C13orf42: variants seen among roughly 807,000 people sequenced by gnomAD.
The protein encoded by C13orf42 is chromosome 13 open reading frame 42.
intron 1 of C13orf42, among the ~76,000 whole-genome samples, chr13:51,157,412 C>T (rs965587258): frequency 7.9e-5 from 12 of 151,878 alleles, no homozygotes; most frequent in East Asian, 1.9e-4. Flanking sequence ...CCAGCCTGGG[C>T]GACAGAGCGA....
At chr13:51,141,253 A>C (rs959982154) in intron 1 of C13orf42, among the ~76,000 whole-genome samples, 56 of 140,926 alleles carry the variant, frequency 4.0e-4, no homozygotes, top group African/African-American at 1.1e-3. Context: ...TTTTTTTCTC[A>C]GTTGAATGAA....
At chr13:51,152,006 C>T (rs1182133611) in intron 1 of C13orf42, among the ~76,000 whole-genome samples, 1 of 152,178 alleles carries the variant, frequency 6.6e-6, no homozygotes, top group African/African-American at 2.4e-5. Flanking sequence ...CCAGCCCTAC[C>T]AGGAGAGAAT....
rs1164837064 is a variant in C13orf42, at chr13:51,083,018, C to A, written c.*1133G>T. 1 of 152,218 alleles carries A rather than the reference C, an allele frequency of 6.6e-6. No homozygotes were observed. Among genetic ancestry groups the A allele is most frequent in the African/African-American group, 2.4e-5 (1 of 41,448 alleles). 9.4% of individuals were successfully genotyped at this position (152,218 alleles called of 1,614,324 possible). On this transcript the variant is annotated 3_prime_UTR_variant, in exon 4 of 4. Coordinates refer to ENST00000563710, the MANE Select transcript of C13orf42 (RefSeq NM_001351589.3). ...TTCTTAGCCTGACCTTAGCCTAGAA[C>A]ATCCTTGGCTTAATTCAAATGATTG...
At chr13:51,158,050 C>A (rs902681928) in intron 1 of C13orf42, among the ~76,000 whole-genome samples, 10 of 152,206 alleles carry the variant, frequency 6.6e-5, no homozygotes, top group African/African-American at 2.2e-4. Flanking sequence ...TATTCCCAGG[C>A]CTTACACAGT....
At position 51,166,849 on chromosome 13, in the gene C13orf42, C is replaced by T. The variant is rs1378018037; in HGVS notation, n.136+5404G>A. On this transcript the variant is annotated intron_variant and non_coding_transcript_variant, in intron 1 of 4. Transcript: ENST00000433280. ...ATCCAAGCACCTTGGGAGGCCGAGG[C>T]GGGCGCATTGCCTGAGGTCAGGAGT... 2.6e-5 allele frequency among the ~76,000 whole-genome samples: 4 copies of T among 152,042 alleles called. No homozygotes were observed. The East Asian group carries it at 5.8e-4, about 22-fold the overall frequency.
chr13:51,156,461 C>T (rs1953824951), intron 1 of C13orf42, among the ~76,000 whole-genome samples: 1 of 152,166 alleles, frequency 6.6e-6, no homozygotes. Flanking sequence ...GGTCAAGGAA[C>T]TTACCCACAT....
At chr13:51,117,993 G>C (rs1315033284) in intron 1 of C13orf42, among the ~76,000 whole-genome samples, 2 of 152,188 alleles carry the variant, frequency 1.3e-5, no homozygotes, top group Non-Finnish European at 2.9e-5. Flanking sequence ...AAAAGGCTTT[G>C]CACATTCCTT....
chr13:51,149,699 T>C (rs1172019983), intron 1 of C13orf42, among the ~76,000 whole-genome samples: 1 of 152,222 alleles, frequency 6.6e-6, no homozygotes, highest in Non-Finnish European at 1.5e-5. Context: ...AATTATGTTT[T>C]TCCAGTGCAA....
chr13:51,168,911 C>T (rs1250065277), intron 1 of C13orf42, among the ~76,000 whole-genome samples: 2 of 152,160 alleles, frequency 1.3e-5, no homozygotes, highest in African/African-American at 4.8e-5. Context: ...AAGCCTCTTT[C>T]CTCTTTGCCT....
intron 1 of C13orf42, among the ~76,000 whole-genome samples, chr13:51,095,164 T>C (rs1373346655): frequency 6.6e-6 from 1 of 152,234 alleles, no homozygotes; most frequent in Middle Eastern, 3.2e-3. Context: ...AACAGACTAA[T>C]ACAACTCCAT....
At chr13:51,154,825 C>A (rs967553374) in intron 1 of C13orf42, among the ~76,000 whole-genome samples, 2 of 152,140 alleles carry the variant, frequency 1.3e-5, no homozygotes, top group Non-Finnish European at 2.9e-5. Flanking sequence ...AAACTAATTG[C>A]ACATTCGACG....
chr13:51,133,477 T>C (rs1280061583), intron 1 of C13orf42, among the ~76,000 whole-genome samples: 3 of 152,242 alleles, frequency 2.0e-5, no homozygotes, highest in Non-Finnish European at 2.9e-5. Context: ...ATTTTAGTTA[T>C]GTATATTTTA....
At chr13:51,160,969 A>G (rs1234340701) in intron 1 of C13orf42, among the ~76,000 whole-genome samples, 4 of 150,502 alleles carry the variant, frequency 2.7e-5, no homozygotes, top group Non-Finnish European at 4.4e-5. Context: ...ACAAGAAAAA[A>G]AAAAAAAACA....
chr13:51,110,806 T>C lies in C13orf42; in HGVS notation c.404A>G (p.Lys135Arg), dbSNP rs1056113556. ...GKKTPVRSTP[K>R]EIKKATPKKY... ...CTCAGCAGCACTTACCTTTATTTCT[T>C]TGGGAGTAGACCGGACAGGAGTCTT... Residue 135 changes from lysine (K) to arginine (R), a missense_variant, in exon 1 of 4, where the codon AAA (lysine) becomes AGA (arginine). Physicochemically the swap from Lys to Arg is conservative, Grantham distance 26. Coordinates refer to ENST00000563710, the MANE Select transcript of C13orf42 (RefSeq NM_001351589.3). The C allele has an allele frequency of 2.5e-6, 1 of 398,552 alleles. No individual in the cohort carries two copies. Among genetic ancestry groups the C allele is most frequent in the African/African-American group, 2.1e-5 (1 of 48,636 alleles). The allele number at this position is 398,552 out of a possible 1,614,324, so 24.7% of individuals were successfully genotyped here.
intron 1 of C13orf42, among the ~76,000 whole-genome samples, chr13:51,131,158 G>C (rs1382002873): frequency 6.6e-6 from 1 of 152,124 alleles, no homozygotes; most frequent in Non-Finnish European, 1.5e-5. Flanking sequence ...GCTATTTACA[G>C]CTTTTGACAA....
chr13:51,157,581 T>C (rs1317201895), intron 1 of C13orf42, among the ~76,000 whole-genome samples: 2 of 152,254 alleles, frequency 1.3e-5, no homozygotes, highest in African/African-American at 4.8e-5. Flanking sequence ...GCCAGTGTTT[T>C]TGTAGGCACT....
At chr13:51,094,880 G>A (rs1296863605) in intron 1 of C13orf42, among the ~76,000 whole-genome samples, 1 of 152,114 alleles carries the variant, frequency 6.6e-6, no homozygotes, top group Non-Finnish European at 1.5e-5. Context: ...ATGTGTTATG[G>A]GAAGGACCCT....
At chr13:51,120,655 G>T (rs1009160379) in intron 1 of C13orf42, among the ~76,000 whole-genome samples, 7 of 152,150 alleles carry the variant, frequency 4.6e-5, no homozygotes, top group African/African-American at 1.4e-4. Context: ...GAAGACCTGG[G>T]TTCTATTTTC....
At chr13:51,119,074 G>C (rs1953513439) in intron 1 of C13orf42, among the ~76,000 whole-genome samples, 1 of 150,880 alleles carries the variant, frequency 6.6e-6, no homozygotes, top group South Asian at 2.1e-4. Context: ...CTGGTGTATG[G>C]TGTGCCCAGG....
Sources: gnomAD v4.1 joint callset for allele counts (sites outside exome capture counted in the v4.1 genomes callset) on GRCh38, gnomAD v4.1.1 for gene constraint, MANE v1.5 for transcripts, NCBI Gene and HGNC (gene_info 2026-07-23, HGNC 2026-07-21) for gene names.